SLIT2: variants seen among roughly 807,000 people sequenced by gnomAD.
SLIT2 encodes the protein slit guidance ligand 2, also known as slit homolog 2 protein.
Under a neutral mutation model 185.7 loss-of-function variants are expected in SLIT2, and 41 were observed. The ratio of observed to expected loss-of-function variants is 0.22; its 90% confidence interval spans 0.17 to 0.29. The LOEUF (loss-of-function observed/expected upper bound fraction) is 0.29, where lower values mean the gene tolerates loss of function less well. Ranked by LOEUF, SLIT2 falls within the 10% of genes least tolerant of loss-of-function variation. SLIT2 has a pLI of 1.00. For synonymous variants in SLIT2, 693 were observed against 680.2 expected (o/e 1.02, Z -0.29); for missense variants, 1,571 against 1,909.0 (o/e 0.82, Z 3.30).
intron 4 of SLIT2, among the ~76,000 whole-genome samples, chr4:20,435,506 G>A (rs968381129): frequency 2.0e-5 from 3 of 152,162 alleles, no homozygotes; most frequent in African/African-American, 4.8e-5. Context: ...AAAGGATAGT[G>A]CTGTAAGATT....
chr4:20,604,746 T>C (rs1728658340), intron 33 of SLIT2, among the ~76,000 whole-genome samples: 1 of 152,104 alleles, frequency 6.6e-6, no homozygotes, highest in Non-Finnish European at 1.5e-5. Flanking sequence ...AGGTGAAGTA[T>C]CATCAGGCCA....
intron 3 of SLIT2, among the ~76,000 whole-genome samples, chr4:20,260,952 CT>C (rs1195960690): frequency 6.6e-6 from 1 of 151,532 alleles, no homozygotes; most frequent in Admixed American, 6.6e-5. Flanking sequence ...CTTCCCTCCC[CT>C]CTCCTCCATT....
At chr4:20,574,162 G>A (rs1725867923) in intron 29 of SLIT2, among the ~76,000 whole-genome samples, 1 of 151,682 alleles carries the variant, frequency 6.6e-6, no homozygotes, top group Non-Finnish European at 1.5e-5. Context: ...CACTGTGTTA[G>A]CCAGGATGGT....
intron 4 of SLIT2, among the ~76,000 whole-genome samples, chr4:20,439,181 G>T (rs56008233): frequency 5.9e-5 from 9 of 152,148 alleles, no homozygotes; most frequent in Non-Finnish European, 8.8e-5. Flanking sequence ...ACACAGTTCC[G>T]AGGTATTAAT....
chr4:20,532,748 TA>T (rs1721918444), intron 17 of SLIT2, among the ~76,000 whole-genome samples: 1 of 152,214 alleles, frequency 6.6e-6, no homozygotes, highest in South Asian at 2.1e-4. Flanking sequence ...AGACTACTTG[TA>T]CAGATGGCAT....
At chr4:20,609,844 C>A (rs1310952864) in intron 33 of SLIT2, among the ~76,000 whole-genome samples, 169 bp from the exon 34 acceptor site, 1 of 152,120 alleles carries the variant, frequency 6.6e-6, no homozygotes, top group Non-Finnish European at 1.5e-5. Flanking sequence ...AATCACATCT[C>A]CTTGAAAATG....
chr4:20,296,544 ACTGTGGC>A (rs1716503383), intron 4 of SLIT2, among the ~76,000 whole-genome samples: 1 of 152,200 alleles, frequency 6.6e-6, no homozygotes, highest in Non-Finnish European at 1.5e-5. Context: ...AAACAACCCC[ACTGTGGC>A]CTTATATTCC....
At chr4:20,328,901 T>C (rs1490419185) in intron 4 of SLIT2, among the ~76,000 whole-genome samples, 7 of 152,050 alleles carry the variant, frequency 4.6e-5, no homozygotes, top group Non-Finnish European at 1.0e-4. Flanking sequence ...CATGTGCACA[T>C]GTCTGTGTGT....
At chr4:20,286,969 A>T (rs1715330189) in intron 4 of SLIT2, among the ~76,000 whole-genome samples, 2 of 152,200 alleles carry the variant, frequency 1.3e-5, no homozygotes, top group East Asian at 1.9e-4. Flanking sequence ...CTGAAGCCTA[A>T]AGTGGTTATC....
intron 5 of SLIT2, among the ~76,000 whole-genome samples, chr4:20,469,786 C>T (rs1168381009): frequency 1.7e-5 from 2 of 120,298 alleles, no homozygotes; most frequent in East Asian, 4.9e-4. Context: ...GATGGTGTCT[C>T]GCTCTCTCAC....
chr4:20,294,533 C>A (rs969056081), intron 4 of SLIT2, among the ~76,000 whole-genome samples: 2 of 152,100 alleles, frequency 1.3e-5, no homozygotes, highest in Non-Finnish European at 2.9e-5. Flanking sequence ...CCCATAAATT[C>A]TCCGGTTACA....
Position 20,595,726 on chromosome 4 carries a change from A to G in SLIT2, c.3212A>G (p.Glu1071Gly). 3.1e-6 allele frequency: 5 copies of G among 1,614,170 alleles called. No individual in the cohort carries two copies. Among genetic ancestry groups the G allele is most frequent in the Non-Finnish European group, 4.2e-6 (5 of 1,179,998 alleles). Residue 1071 changes from glutamate to glycine, a missense_variant, in exon 31 of 37, where the codon GAA (glutamate) becomes GGA (glycine). Coordinates refer to ENST00000504154, the MANE Select transcript of SLIT2 (RefSeq NM_004787.4). ...KCDCTPGYVG[E>G]HCDIDFDDCQ... ...GACTGCACACCAGGGTACGTAGGTGAACACTGCGACATCGATTTTGACGAC... is the reference window on the plus strand; with the variant it reads ...GACTGCACACCAGGGTACGTAGGTGGACACTGCGACATCGATTTTGACGAC...
intron 4 of SLIT2, among the ~76,000 whole-genome samples, chr4:20,367,220 G>C (rs1220178168): frequency 1.3e-5 from 2 of 152,130 alleles, no homozygotes; most frequent in African/African-American, 2.4e-5. Flanking sequence ...TCAGAAAATA[G>C]TTATTGCTTG....
At chr4:20,362,672 T>C (rs1369612088) in intron 4 of SLIT2, among the ~76,000 whole-genome samples, 3 of 151,922 alleles carry the variant, frequency 2.0e-5, no homozygotes. Flanking sequence ...CATAAATATG[T>C]TTATTCACTT....
chr4:20,447,029 G>A (rs1711879300), intron 4 of SLIT2, among the ~76,000 whole-genome samples: 1 of 152,212 alleles, frequency 6.6e-6, no homozygotes, highest in South Asian at 2.1e-4. Flanking sequence ...TTGTGAGCAG[G>A]ATAGAAACGT....
intron 4 of SLIT2, among the ~76,000 whole-genome samples, chr4:20,429,380 G>A (rs775281868): frequency 5.9e-5 from 9 of 151,808 alleles, no homozygotes; most frequent in Admixed American, 2.6e-4. Flanking sequence ...CTTTTCTAAC[G>A]GTAAATTTAG....
intron 4 of SLIT2, among the ~76,000 whole-genome samples, chr4:20,354,345 C>G (rs1438059106): frequency 6.6e-6 from 1 of 151,950 alleles, no homozygotes; most frequent in Non-Finnish European, 1.5e-5. Context: ...TCCTTCTCCT[C>G]CAGATGGCAG....
Position 20,523,820 on chromosome 4 carries a change from C to T in SLIT2, c.1191C>T (p.Asn397=). 1.2e-6 allele frequency: 2 copies of T among 1,613,862 alleles called. No homozygotes were observed. Among genetic ancestry groups the T allele is most frequent in the East Asian group, 2.2e-5 (1 of 44,874 alleles). Residue 397 remains asparagine, a synonymous_variant, in exon 13 of 37, where the codon AAC becomes AAT. Coordinates refer to ENST00000504154, the MANE Select transcript of SLIT2 (RefSeq NM_004787.4). ...LRVDAFQDLH[N]LNLLSLYDNK... ...TAGATGCTTTTCAGGATCTCCACAA[C>T]TTGAACCTTCTCTCCCTATATGACA...
Position 20,491,813 on chromosome 4 carries a change from C to A in SLIT2, c.828C>A (p.Ala276=). ...PSCSVLHCPA[A]CTCSNNIVDC... is the part of the protein sequence containing the mutation. The stretch of plus-strand genomic sequence containing the variant: ...GTAGTGTTTTGCACTGCCCTGCCGC[C>A]TGTACCTGTAGCAACAATATCGTAG... Residue 276 remains alanine, a synonymous_variant, in exon 9 of 37, where the codon GCC becomes GCA. Transcript: ENST00000504154. 6.2e-7 allele frequency: 1 copy of A among 1,613,998 alleles called. No homozygotes were observed.
Sources: allele counts gnomAD v4.1 joint callset (sites outside exome capture counted in the v4.1 genomes callset), GRCh38; gene constraint gnomAD v4.1.1; transcripts MANE v1.5; gene names NCBI Gene and HGNC (gene_info 2026-07-23, HGNC 2026-07-21).